The following CYP4F22 variants were observed in gnomAD, a reference collection of about 807,000 sequenced individuals.
CYP4F22 encodes the protein cytochrome P450 family 4 subfamily F member 22.
A neutral mutation model predicts 60.4 loss-of-function variants in CYP4F22; 37 were observed. The ratio of observed to expected loss-of-function variants is 0.61; its 90% CI spans 0.47 to 0.81. The LOEUF (loss-of-function observed/expected upper bound fraction) is 0.81. Ranked by LOEUF, CYP4F22 falls within the 30% of genes least tolerant of loss-of-function variation. The pLI is 0.00. For missense variants in CYP4F22, 655 were observed against 715.0 expected (o/e 0.92, Z 0.96); for synonymous variants, 258 against 280.5 (o/e 0.92, Z 0.80).
chr19:15,541,116 A>G (rs2144534069), intron 8 of CYP4F22, among the ~76,000 whole-genome samples: 1 of 152,332 alleles, frequency 6.6e-6, no homozygotes, highest in Admixed American at 6.5e-5. Flanking sequence ...GCTCAAAACA[A>G]AAAGAAATTC....
intron 10 of CYP4F22, among the ~76,000 whole-genome samples, chr19:15,545,584 G>A (rs1350290689): frequency 6.7e-6 from 1 of 148,560 alleles, no homozygotes; most frequent in Non-Finnish European, 1.5e-5. Flanking sequence ...AGGAGGTGGA[G>A]GCTGTGGTGA....
intron 1 of CYP4F22, chr19:15,515,338 G>A: frequency 8.4e-7 from 1 of 1,192,110 alleles, no homozygotes; most frequent in Non-Finnish European, 1.2e-6. Context: ...GCCAGAAAAG[G>A]TTCAGCACCT....
chr19:15,547,998 AGAGAGTGTGT>A lies in CYP4F22; in HGVS notation c.1137-108_1137-99del, dbSNP rs1301677479. The A allele has an allele frequency of 3.2e-3, 999 of 316,716 alleles. 54 individuals carry two copies. The highest frequency in any genetic ancestry group is 0.011 in the African/African-American group (223 of 20,784). The allele number at this position is 316,716 out of a possible 1,614,324, so 19.6% of individuals were successfully genotyped here. The stretch of plus-strand genomic sequence containing the variant: ...GAGAGAGAGAGAGAGAGAGAGAGGG[AGAGAGTGTGT>A]GTGTGTGTGTGTGTGTGTGTGTGTG... On this transcript the variant is annotated intron_variant, in intron 10 of 13. Transcript: ENST00000269703.
chr19:15,510,966 A>ATATATATATAT (rs34055543), intron 1 of CYP4F22, among the ~76,000 whole-genome samples: 73 of 103,304 alleles, frequency 7.1e-4, no homozygotes, highest in African/African-American at 3.2e-3. Flanking sequence ...ATATATATAT[A>ATATATATATAT]TTTTTTTTTT....
intron 10 of CYP4F22, among the ~76,000 whole-genome samples, chr19:15,547,500 C>A (rs1272151499): frequency 1.3e-5 from 2 of 152,024 alleles, no homozygotes; most frequent in African/African-American, 4.8e-5. Flanking sequence ...CTGTTCTGAG[C>A]GGTTGGTGCT....
At chr19:15,528,796 G>C (rs2144517066) in intron 3 of CYP4F22, among the ~76,000 whole-genome samples, 1 of 152,262 alleles carries the variant, frequency 6.6e-6, no homozygotes, top group Non-Finnish European at 1.5e-5. Flanking sequence ...AAATATGCCA[G>C]TACATGAAAA....
intron 1 of CYP4F22, among the ~76,000 whole-genome samples, chr19:15,522,240 G>T (rs1364467490): frequency 6.6e-6 from 1 of 151,026 alleles, no homozygotes; most frequent in Non-Finnish European, 1.5e-5. Context: ...CTTATTTTCT[G>T]TTTTTTTGTT....
intron 10 of CYP4F22, among the ~76,000 whole-genome samples, chr19:15,545,692 G>GAAAAGAAAAGAA (rs3036561): frequency 0.018 from 698 of 37,956 alleles, 25 homozygotes; most frequent in African/African-American, 0.072. Flanking sequence ...GAAAAGAAAA[G>GAAAAGAAAAGAA]AAGAAAAACA....
intron 6 of CYP4F22, 94 bp downstream of exon 6, chr19:15,537,756 G>T (rs1289069308): frequency 6.2e-7 from 1 of 1,606,688 alleles, no homozygotes. Context: ...GATGTCAGGA[G>T]CCCTCACTGA....
chr19:15,510,112 T>C (rs1971072921), intron 1 of CYP4F22, among the ~76,000 whole-genome samples: 3 of 151,652 alleles, frequency 2.0e-5, no homozygotes, highest in Non-Finnish European at 4.4e-5. Context: ...CTCCTGAGTA[T>C]GGAGGACTAC....
At chr19:15,531,485 C>T (rs2144520604) in intron 4 of CYP4F22, among the ~76,000 whole-genome samples, 1 of 152,258 alleles carries the variant, frequency 6.6e-6, no homozygotes, top group Non-Finnish European at 1.5e-5. Context: ...GGGCTGCCAC[C>T]CAGGAGCTGT....
intron 10 of CYP4F22, 148 bp downstream of exon 10, chr19:15,544,427 T>C: frequency 1.1e-6 from 1 of 938,310 alleles, no homozygotes. Context: ...AAAATGGGGG[T>C]GGTTATAGTG....
chr19:15,520,673 C>G (rs528449834), intron 1 of CYP4F22, among the ~76,000 whole-genome samples: 1 of 151,988 alleles, frequency 6.6e-6, no homozygotes, highest in Non-Finnish European at 1.5e-5. Flanking sequence ...CTGCAACCTC[C>G]GCCTCCCAAG....
intron 4 of CYP4F22, 56 bp from the exon 5 acceptor site, chr19:15,537,305 A>C (rs1971406395): frequency 2.5e-6 from 4 of 1,611,038 alleles, no homozygotes; most frequent in South Asian, 2.2e-5. Context: ...CGTAAAAAAA[A>C]ACAAAAAACC....
At chr19:15,517,296 T>C (rs1458846185) in intron 1 of CYP4F22, among the ~76,000 whole-genome samples, 1 of 152,230 alleles carries the variant, frequency 6.6e-6, no homozygotes, top group Non-Finnish European at 1.5e-5. Context: ...CCTCTTGTCA[T>C]GATTCCCATT....
chr19:15,527,747 T>A (rs73512646), intron 3 of CYP4F22, among the ~76,000 whole-genome samples: 5,102 of 152,318 alleles, frequency 0.033, 120 homozygotes, highest in South Asian at 0.089. Flanking sequence ...CATTTGGCAA[T>A]TGCTGAGCCT....
At chr19:15,542,823 C>T (rs1009904720) in intron 8 of CYP4F22, among the ~76,000 whole-genome samples, 3 of 152,090 alleles carry the variant, frequency 2.0e-5, no homozygotes, top group African/African-American at 7.2e-5. Context: ...TCTGTTCCTG[C>T]CTTAGGTTGC....
chr19:15,514,871 T>C (rs1971135792), intron 1 of CYP4F22, among the ~76,000 whole-genome samples: 1 of 152,154 alleles, frequency 6.6e-6, no homozygotes, highest in Non-Finnish European at 1.5e-5. Flanking sequence ...TAGGTCATGC[T>C]GAATAGGAAG....
Position 15,551,486 on chromosome 19 carries a change from C to T in CYP4F22, c.*15C>T, listed in dbSNP as rs763226905. The T allele has an allele frequency of 2.5e-4, 387 of 1,549,018 alleles. No homozygotes were observed. The highest frequency in any genetic ancestry group is 6.7e-4 in the Admixed American group (34 of 51,084). ...CGCGGGCCTGAGCGTGGGCGCGCCC[C>T]TGCGGCTCCCGAGGGTCCAGGCCCC... On this transcript the variant is annotated 3_prime_UTR_variant, in exon 14 of 14. Coordinates refer to ENST00000269703, the MANE Select transcript of CYP4F22 (RefSeq NM_173483.4).
Sources: allele counts gnomAD v4.1 joint callset (sites outside exome capture counted in the v4.1 genomes callset), GRCh38; gene constraint gnomAD v4.1.1; transcripts MANE v1.5; gene names NCBI Gene and HGNC (gene_info 2026-07-23, HGNC 2026-07-21).